CCNA1: variants seen among roughly 807,000 people sequenced by gnomAD.
CCNA1 encodes cyclin-A1.
Under a neutral mutation model 54.1 loss-of-function variants are expected in CCNA1, and 23 were observed. That is an observed-to-expected ratio of 0.42 (90% CI 0.31 to 0.60). The LOEUF is 0.60. CCNA1 is among the 20% of genes least tolerant of loss of function. The pLI is 0.14. For synonymous variants in CCNA1, 208 were observed against 213.9 expected (o/e 0.97, Z 0.24); for missense variants, 450 against 556.7 (o/e 0.81, Z 1.93).
chr13:36,438,943 T>C (rs1398893806), intron 5 of CCNA1, 76 bp downstream of exon 5: 5 of 1,047,822 alleles, frequency 4.8e-6, no homozygotes, highest in South Asian at 1.4e-5. Flanking sequence ...CTATTTCTTA[T>C]TGAAGAAATG....
chr13:36,433,438 C>CT lies in CCNA1; in HGVS notation c.297+220dup, dbSNP rs1243148903. Among the ~76,000 whole-genome samples the CT allele has an allele frequency of 1.1e-4, 9 of 81,152 alleles. 1 individual carries two copies. The highest frequency in any genetic ancestry group is 3.6e-4 in the African/African-American group (9 of 25,162). The allele number at this position is 81,152 out of a possible 152,430, so 53.2% of individuals were successfully genotyped here. ...TCTTTCTTTCTTTCTTTCTTTCTTT[C>CT]TTTCGTTCTTTCTTTCTTTCTTTTC... On this transcript the variant is annotated intron_variant, in intron 2 of 8. Transcript: ENST00000255465.
rs1555270079 is a variant in CCNA1 at position 36,434,832 on chromosome 13, C to CG, written c.297+1611_297+1612insG. ...CCCTGCTGTCATGAGAGGTGCCCCC[C>CG]CCCCCGCGCCATGCGTACAATATAC... On this transcript the variant is annotated intron_variant, in intron 2 of 8. Transcript: ENST00000255465. 1.0e-3 allele frequency among the ~76,000 whole-genome samples: 121 copies of CG among 120,530 alleles called. 7 individuals carry two copies. Among genetic ancestry groups the CG allele is most frequent in the African/African-American group, 3.1e-3 (109 of 35,486 alleles). The allele number at this position is 120,530 out of a possible 152,430, so 79.1% of individuals were successfully genotyped here.
chr13:36,432,795 C>CG, intron 1 of CCNA1, 66 bp downstream of exon 1: 1 of 1,171,454 alleles, frequency 8.5e-7, no homozygotes, highest in South Asian at 1.3e-5. Flanking sequence ...CAGCCCAACA[C>CG]GAAGTCTTGG....
At chr13:36,441,475 C>T (rs2055874074) in intron 7 of CCNA1, among the ~76,000 whole-genome samples, 1 of 152,208 alleles carries the variant, frequency 6.6e-6, no homozygotes, top group Non-Finnish European at 1.5e-5. Context: ...GCCTGGGAAC[C>T]TCAGTGCCCA....
chr13:36,433,352 G>T (rs534017418), intron 2 of CCNA1, 131 bp downstream of exon 2: 2 of 445,590 alleles, frequency 4.5e-6, no homozygotes, highest in Non-Finnish European at 7.6e-6. Context: ...CTGGACTACA[G>T]GAAAGTTGAT....
chr13:36,442,103 A>C, intron 7 of CCNA1, 68 bp from the exon 8 acceptor site: 3 of 1,311,472 alleles, frequency 2.3e-6, no homozygotes, highest in Non-Finnish European at 3.2e-6. Flanking sequence ...CCTTTATTTC[A>C]AATTGGTTAT....
intron 8 of CCNA1, 22 bp downstream of exon 8, chr13:36,442,326 A>G: frequency 6.2e-7 from 1 of 1,610,984 alleles, no homozygotes; most frequent in African/African-American, 1.3e-5. Flanking sequence ...ACATTTTCAT[A>G]TCTTAGCTCT....
intron 1 of CCNA1, 32 bp downstream of exon 1, chr13:36,432,761 C>T (rs1261715220): frequency 1.2e-5 from 17 of 1,379,498 alleles, no homozygotes; most frequent in Non-Finnish European, 1.7e-5. Flanking sequence ...GACTTGGAGG[C>T]TTGTCAGAAT....
intron 6 of CCNA1, among the ~76,000 whole-genome samples, chr13:36,440,708 TA>T (rs2055865133): frequency 6.6e-6 from 1 of 152,218 alleles, no homozygotes; most frequent in Admixed American, 6.5e-5. Context: ...ATGTTTCTTC[TA>T]ATATGAGATA....
intron 2 of CCNA1, among the ~76,000 whole-genome samples, chr13:36,435,211 T>C (rs907885004): frequency 6.6e-6 from 1 of 152,252 alleles, no homozygotes; most frequent in South Asian, 2.1e-4. Context: ...GGACAGAAGC[T>C]ATCCCATTTA....
chr13:36,439,954 C>T (rs1311629450), intron 5 of CCNA1, 25 bp from the exon 6 acceptor site: 16 of 1,544,606 alleles, frequency 1.0e-5, no homozygotes, highest in African/African-American at 1.4e-5. Flanking sequence ...CTAAGTTTTA[C>T]TTCTGAAAAC....
At chr13:36,434,130 T>A (rs1371945017) in intron 2 of CCNA1, among the ~76,000 whole-genome samples, 1 of 152,170 alleles carries the variant, frequency 6.6e-6, no homozygotes, top group African/African-American at 2.4e-5. Flanking sequence ...AAAATCAGGA[T>A]TAGATCAGGC....
chr13:36,433,415 T>TTCGTTCG lies in CCNA1; in HGVS notation c.297+195_297+196insCGTTCGT, dbSNP rs1566169541. The stretch of plus-strand genomic sequence containing the variant: ...CTTTCTTTCTTTCTTTCTTTCTTTC[T>TTCGTTCG]TTCTTTCTTTCTTTCTTTCTTTCTT... On this transcript the variant is annotated intron_variant, in intron 2 of 8. Coordinates refer to ENST00000255465, the MANE Select transcript of CCNA1 (RefSeq NM_003914.4). Among the ~76,000 whole-genome samples the TTCGTTCG allele has an allele frequency of 1.6e-4, 19 of 121,702 alleles. 1 individual carries two copies. The highest frequency in any genetic ancestry group is 6.1e-4 in the African/African-American group (19 of 31,350). The allele number at this position is 121,702 out of a possible 152,430, so 79.8% of individuals were successfully genotyped here.
rs75259848 is a variant in CCNA1 at position 36,432,598 on chromosome 13, G to C, written c.-24G>C. On this transcript the variant is annotated 5_prime_UTR_variant, in exon 1 of 9. Coordinates refer to ENST00000255465, the MANE Select transcript of CCNA1 (RefSeq NM_003914.4). ...CTGTCTGGTGGGAGGAGGCCGCAGC[G>C]CAGCACCCTGCTCGTCACTTGGGAT... 1 of 1,505,500 alleles carries C rather than the reference G, an allele frequency of 6.6e-7. No individual in the cohort carries two copies. The highest frequency in any genetic ancestry group is 9.0e-7 in the Non-Finnish European group (1 of 1,106,994). The allele number at this position is 1,505,500 out of a possible 1,614,324, so 93.3% of individuals were successfully genotyped here. A position where few individuals can be genotyped will look rare whatever the true frequency, so the allele number is the denominator to read the frequency against.
Position 36,437,845 on chromosome 13 carries a change from G to A in CCNA1, c.514G>A (p.Asp172Asn). Residue 172 changes from aspartate (D) to asparagine (N), a missense_variant, in exon 3 of 9, where the codon GAC becomes AAC. Coordinates refer to ENST00000255465, the MANE Select transcript of CCNA1 (RefSeq NM_003914.4). ...AGTAGACACCGGCACACTCAAGTCA[G>A]ACCTGCACTTCCTGCTGGATTTCAA... 6.2e-7 allele frequency: 1 copy of A among 1,614,032 alleles called. No individual in the cohort carries two copies. Among genetic ancestry groups the A allele is most frequent in the East Asian group, 2.2e-5 (1 of 44,878 alleles).
chr13:36,438,769 G>A lies in CCNA1; in HGVS notation c.795G>A (p.Leu265=). Residue 265 remains leucine, a synonymous_variant, in exon 5 of 9, where the codon CTG becomes CTA. Transcript: ENST00000255465. ...AATATAAACTTCGAGCAGAGACCCT[G>A]TATCTGGCTGTCAACTTCCTGGACA... 1.9e-6 allele frequency: 3 copies of A among 1,614,114 alleles called. No homozygotes were observed. Among genetic ancestry groups the A allele is most frequent in the East Asian group, 4.5e-5 (2 of 44,868 alleles).
At chr13:36,434,723 A>G (rs1593321209) in intron 2 of CCNA1, among the ~76,000 whole-genome samples, 1 of 151,164 alleles carries the variant, frequency 6.6e-6, no homozygotes, top group East Asian at 1.9e-4. Flanking sequence ...TCCTAAAAAT[A>G]TAGAAGCAAG....
intron 6 of CCNA1, among the ~76,000 whole-genome samples, chr13:36,440,671 G>A (rs2055864723): frequency 6.6e-6 from 1 of 152,190 alleles, no homozygotes; most frequent in South Asian, 2.1e-4. Flanking sequence ...TGTGCAAAGG[G>A]TAATAAGGAT....
chr13:36,431,616 A>T (rs561118523), upstream of CCNA1: 1 of 152,152 alleles, frequency 6.6e-6, no homozygotes, highest in African/African-American at 2.4e-5. Flanking sequence ...TGCGACCCTA[A>T]ATCCCCACAT....
Sources: allele counts gnomAD v4.1 joint callset (sites outside exome capture counted in the v4.1 genomes callset), GRCh38; gene constraint gnomAD v4.1.1; transcripts MANE v1.5; gene names NCBI Gene and HGNC (gene_info 2026-07-23, HGNC 2026-07-21).